ACSL6: variants seen among roughly 807,000 people sequenced by gnomAD.
The protein encoded by ACSL6 is acyl-CoA synthetase long chain family member 6.
A neutral mutation model predicts 98.2 loss-of-function variants in ACSL6; 47 were observed. The ratio of observed to expected loss-of-function variants is 0.48; its 90% CI spans 0.38 to 0.61. ACSL6 has a LOEUF of 0.61. Among genes scored for constraint, ACSL6 ranks in the 20% least tolerant of loss-of-function variants. ACSL6 has a pLI of 0.00. For synonymous variants in ACSL6, 362 were observed against 336.9 expected (o/e 1.07, Z -0.82); for missense variants, 761 against 913.4 (o/e 0.83, Z 2.15).
intron 4 of ACSL6, 72 bp from the exon 5 acceptor site, chr5:131,989,580 ATTCTTTT>A: frequency 3.9e-5 from 16 of 407,622 alleles, no homozygotes; most frequent in Non-Finnish European, 5.6e-5. Flanking sequence ...CCCAGGAGGA[ATTCTTTT>A]TTTTTTTTTT....
intron 2 of ACSL6, among the ~76,000 whole-genome samples, chr5:131,991,933 C>G (rs1403731924): frequency 6.6e-6 from 1 of 152,174 alleles, no homozygotes; most frequent in African/African-American, 2.4e-5. Flanking sequence ...AGGACCAAGC[C>G]CACCTAAGAC....
chr5:132,000,860 C>T (rs1039731907), intron 1 of ACSL6, among the ~76,000 whole-genome samples: 8 of 152,188 alleles, frequency 5.3e-5, no homozygotes, highest in African/African-American at 1.9e-4. Context: ...AAGCTGTTTG[C>T]CCAATTGCCT....
At chr5:131,985,559 G>A (rs181174799) in intron 8 of ACSL6, 101 bp from the exon 9 acceptor site, 132 of 1,237,678 alleles carry the variant, frequency 1.1e-4, no homozygotes, top group Middle Eastern at 1.0e-3. Flanking sequence ...TATGTATGCT[G>A]TATGTGGGTG....
intron 11 of ACSL6, chr5:131,973,610 G>A (rs1266672707): frequency 2.8e-5 from 13 of 460,372 alleles, no homozygotes; most frequent in African/African-American, 2.6e-4. Flanking sequence ...ACAGGGAGAT[G>A]AAGCAGAAGA....
chr5:131,951,487 C>A lies in ACSL6; in HGVS notation c.*2747G>T. 1 of 203,078 alleles carries A rather than the reference C, an allele frequency of 4.9e-6. No individual in the cohort carries two copies. Among genetic ancestry groups the A allele is most frequent in the Non-Finnish European group, 1.0e-5 (1 of 99,072 alleles). 12.6% of individuals were successfully genotyped at this position (203,078 alleles called of 1,614,324 possible). A position where few individuals can be genotyped will look rare whatever the true frequency, so the allele number is the denominator to read the frequency against. On this transcript the variant is annotated 3_prime_UTR_variant, in exon 21 of 21. Coordinates refer to ENST00000651883, the MANE Select transcript of ACSL6 (RefSeq NM_001009185.3). ...TTTTCTCAGCACATCTGAACTAACC[C>A]ATTTATTGGCCCAAGTGTGATGATT... is the stretch of plus-strand genomic sequence containing the variant.
intron 6 of ACSL6, 200 bp downstream of exon 6, chr5:131,988,605 G>T: frequency 6.2e-7 from 1 of 1,612,992 alleles, no homozygotes; most frequent in Non-Finnish European, 8.5e-7. Context: ...TGAGCCCTGT[G>T]GAAGGAACCT....
intron 7 of ACSL6, 127 bp from the exon 8 acceptor site, chr5:131,986,981 TC>T: frequency 5.7e-5 from 5 of 87,808 alleles, no homozygotes; most frequent in South Asian, 5.6e-4. Flanking sequence ...ACCCACACAC[TC>T]ACACACACAC....
chr5:131,957,382 T>C (rs1657556668), intron 20 of ACSL6, among the ~76,000 whole-genome samples: 1 of 152,264 alleles, frequency 6.6e-6, no homozygotes, highest in Non-Finnish European at 1.5e-5. Flanking sequence ...GGCATATAAA[T>C]GTCAAACAAA....
At position 131,952,863 on chromosome 5, in the gene ACSL6, G is replaced by T. The variant is rs1482250360; in HGVS notation, c.*1371C>A. ...AAGTTTTCTTGGGGCATTTTAAAGA[G>T]GTTTATCAAAGTTATATTGTTGAAA... On this transcript the variant is annotated 3_prime_UTR_variant, in exon 21 of 21. Coordinates refer to ENST00000651883, the MANE Select transcript of ACSL6 (RefSeq NM_001009185.3). The T allele has an allele frequency of 4.6e-6, 1 of 216,768 alleles. No homozygotes were observed. The highest frequency in any genetic ancestry group is 2.3e-5 in the African/African-American group (1 of 44,374). 13.4% of individuals were successfully genotyped at this position (216,768 alleles called of 1,614,324 possible).
In ACSL6 at chr5:132,011,456, T is replaced by G. The variant is rs749609030; in HGVS notation, c.49+49A>C. 11 of 1,587,068 alleles carry G rather than the reference T, an allele frequency of 6.9e-6. No homozygotes were observed. Among genetic ancestry groups the G allele is most frequent in the Non-Finnish European group, 9.5e-6 (11 of 1,158,074 alleles). ...ACCTCCACCTCGGGCGAAGACCTCA[T>G]AGCCTGCGGGAGATGGGAGTCCGGG... is the stretch of plus-strand genomic sequence containing the variant. On this transcript the variant is annotated intron_variant, in intron 1 of 20. Coordinates refer to ENST00000651883, the MANE Select transcript of ACSL6 (RefSeq NM_001009185.3). This position sits in a 1 kb window ranked among gnomAD's most constrained non-coding sequence, Gnocchi z 5.4.
Position 131,974,862 on chromosome 5 carries a change from C to A in ACSL6, c.1068+31G>T, listed in dbSNP as rs2149726207. On this transcript the variant is annotated intron_variant, in intron 11 of 20. Transcript: ENST00000651883. ...TGTAAGAAAAAAGAAGGAGCCCAGG[C>A]AAGGCCCGGTCAGTCAGGTGGGTGT... 2 of 1,613,962 alleles carry A rather than the reference C, an allele frequency of 1.2e-6. 1 individual carries two copies. Among genetic ancestry groups the A allele is most frequent in the South Asian group, 2.2e-5 (2 of 91,010 alleles).
At position 131,985,393 on chromosome 5, in the gene ACSL6, G is replaced by A. The variant is rs1321528353; in HGVS notation, c.916+14C>T. On this transcript the variant is annotated intron_variant, in intron 9 of 20. Transcript: ENST00000651883. ...CAGGTAGCCATGGCTGGGGATCTGC[G>A]TGCCTCTGCTTACCTGTCGTGCCGC... The A allele has an allele frequency of 5.6e-6, 9 of 1,613,978 alleles. No individual in the cohort carries two copies. Among genetic ancestry groups the A allele is most frequent in the African/African-American group, 2.7e-5 (2 of 75,040 alleles).
intron 1 of ACSL6, among the ~76,000 whole-genome samples, chr5:131,999,062 C>T (rs924434660): frequency 6.6e-6 from 1 of 152,192 alleles, no homozygotes; most frequent in Non-Finnish European, 1.5e-5. Context: ...AGAATCTCCT[C>T]AACTCCAAGT....
intron 1 of ACSL6, chr5:131,994,510 A>G: frequency 4.1e-6 from 2 of 482,766 alleles, no homozygotes; most frequent in South Asian, 4.5e-5. Flanking sequence ...GCCCTGGGCC[A>G]TGGCTGACAG....
At chr5:131,977,181 C>T (rs635164) in intron 9 of ACSL6, among the ~76,000 whole-genome samples, 33,275 of 152,186 alleles carry the variant, frequency 0.22, 3,913 homozygotes, top group East Asian at 0.51. Context: ...CCTGGAAAGG[C>T]CCCAGGCTCA....
At chr5:131,962,873 C>CA (rs1308770024) in intron 17 of ACSL6, among the ~76,000 whole-genome samples, 195 bp from the exon 18 acceptor site, 1 of 152,028 alleles carries the variant, frequency 6.6e-6, no homozygotes, top group African/African-American at 2.4e-5. Flanking sequence ...TTGATGGCAT[C>CA]CAAGTTCTGC....
Position 131,994,087 on chromosome 5 carries a change from G to A in ACSL6, c.214C>T (p.Arg72Trp), listed in dbSNP as rs764258957. ...AAILAYWFTH[R>W]PKALQPPCNL... is the part of the protein sequence containing the mutation. ...CATGGCGGCTGCAAGGCCTTTGGCC[G>A]GTGAGTGAACCAGTAGGCAAGGATG... The change falls in exon 2 of 21, where the codon CGG (arginine) becomes TGG (tryptophan). Residue 72 changes from arginine to tryptophan, a missense_variant. Coordinates refer to ENST00000651883, the MANE Select transcript of ACSL6 (RefSeq NM_001009185.3). 25 of 1,614,074 alleles carry A rather than the reference G, an allele frequency of 1.5e-5. No individual in the cohort carries two copies. The highest frequency in any genetic ancestry group is 3.3e-5 in the Admixed American group (2 of 60,012).
At chr5:131,970,812 T>C (rs1455555467) in intron 14 of ACSL6, among the ~76,000 whole-genome samples, 3 of 152,182 alleles carry the variant, frequency 2.0e-5, no homozygotes, top group African/African-American at 4.8e-5. Context: ...GAATTAAAGA[T>C]AAACATTTTA....
chr5:132,011,417 C>T lies in ACSL6; in HGVS notation c.49+88G>A. 7.1e-7 allele frequency: 1 copy of T among 1,410,406 alleles called. No individual in the cohort carries two copies. Among genetic ancestry groups the T allele is most frequent in the South Asian group, 1.2e-5 (1 of 84,898 alleles). The allele number at this position is 1,410,406 out of a possible 1,614,324, so 87.4% of individuals were successfully genotyped here. A position where few individuals can be genotyped will look rare whatever the true frequency, so the allele number is the denominator to read the frequency against. Reference sequence around the variant, plus strand: ...CAGCAGGGGATGGGGGCTCGGCGGCCGCGGAGATGTAACACCTCCACCTCG... The same window carrying T: ...CAGCAGGGGATGGGGGCTCGGCGGCTGCGGAGATGTAACACCTCCACCTCG... On this transcript the variant is annotated intron_variant, in intron 1 of 20. Transcript: ENST00000651883. This position sits in a 1 kb window ranked among gnomAD's most constrained non-coding sequence, Gnocchi z 5.4.
Sources: allele counts gnomAD v4.1 joint callset (sites outside exome capture counted in the v4.1 genomes callset), GRCh38; gene constraint gnomAD v4.1.1; non-coding constraint Gnocchi (gnomAD v3.1); transcripts MANE v1.5; gene names NCBI Gene and HGNC (gene_info 2026-07-23, HGNC 2026-07-21).